The following MRPL20 variants were observed in gnomAD, a reference collection of about 807,000 sequenced individuals.
The protein encoded by MRPL20 is large ribosomal subunit protein bL20m.
MRPL20 carries 21 observed loss-of-function variants against 20.0 expected under a neutral mutation model. The observed-to-expected ratio is 1.05, with a 90% CI of 0.74 to 1.51. The LOEUF is 1.51. MRPL20 is among the 40% of genes most tolerant of loss of function. The probability of loss-of-function intolerance (pLI) is 0.00; values close to 1 mark genes in which losing one functional copy is unlikely to be tolerated. For missense variants in MRPL20, 252 were observed against 185.6 expected (o/e 1.36, Z -2.08); for synonymous variants, 104 against 73.0 (o/e 1.43, Z -2.17).
At chr1:1,404,482 G>A (rs914084977) in intron 3 of MRPL20, among the ~76,000 whole-genome samples, 9 of 151,378 alleles carry the variant, frequency 5.9e-5, no homozygotes, top group Non-Finnish European at 8.8e-5. Context: ...AAACTTTGAA[G>A]TTAAAGTCAA....
chr1:1,405,397 C>A, intron 3 of MRPL20: 1 of 550,556 alleles, frequency 1.8e-6, no homozygotes, highest in Non-Finnish European at 3.2e-6. Context: ...CTGCTTCAGA[C>A]TCCTCAGTAG....
In MRPL20 at chr1:1,406,988, C is replaced by T; in HGVS notation, c.119G>A (p.Arg40Lys). The change falls in exon 2 of 4, where the codon AGG (arginine) becomes AAG (lysine). Residue 40 changes from arginine (R) to lysine (K), a missense_variant. Arg to Lys is a conservative substitution (Grantham distance 26). Transcript: ENST00000344843. ...TCGAATCACGGTTCTGACCGCCAAC[C>T]TGTAGCAGCGATTTTTCCTTCCCCG... The part of the protein sequence containing the change: ...HFRGRKNRCY[R>K]LAVRTVIRAF... 1 of 1,613,880 alleles carries T rather than the reference C, an allele frequency of 6.2e-7. No homozygotes were observed. Among genetic ancestry groups the T allele is most frequent in the Non-Finnish European group, 8.5e-7 (1 of 1,179,776 alleles).
At chr1:1,405,522 C>T in intron 3 of MRPL20, 1 of 617,412 alleles carries the variant, frequency 1.6e-6, no homozygotes, top group South Asian at 1.9e-5. Context: ...ACAATCTCAT[C>T]ACTCATCAAC....
chr1:1,401,968 C>T lies in MRPL20; in HGVS notation c.*115G>A, dbSNP rs1412363807. 12 of 1,208,720 alleles carry T rather than the reference C, an allele frequency of 9.9e-6. No homozygotes were observed. The highest frequency in any genetic ancestry group is 1.4e-5 in the Non-Finnish European group (12 of 861,914). 74.9% of individuals were successfully genotyped at this position (1,208,720 alleles called of 1,614,324 possible). ...GGACATCATCTGTGAGGCTCTGTCCCAGAGAGACAGGGCCATCCCTCATGT... is the reference window on the plus strand; with the variant it reads ...GGACATCATCTGTGAGGCTCTGTCCTAGAGAGACAGGGCCATCCCTCATGT... On this transcript the variant is annotated 3_prime_UTR_variant, in exon 4 of 4. Transcript: ENST00000344843.
chr1:1,404,895 C>T (rs1645368603), intron 3 of MRPL20, among the ~76,000 whole-genome samples: 1 of 152,170 alleles, frequency 6.6e-6, no homozygotes, highest in Admixed American at 6.5e-5. Flanking sequence ...GAACCCCACA[C>T]CAAGACAGAG....
At chr1:1,407,079 C>A in intron 1 of MRPL20, 52 bp downstream of exon 1, 3 of 1,608,644 alleles carry the variant, frequency 1.9e-6, no homozygotes, top group Non-Finnish European at 2.6e-6. Flanking sequence ...CGCCCCTTGG[C>A]CCGCGGGATA....
chr1:1,402,060 C>G lies in MRPL20; in HGVS notation c.*23G>C. The G allele has an allele frequency of 6.3e-7, 1 of 1,588,166 alleles. No homozygotes were observed. The highest frequency in any genetic ancestry group is 8.6e-7 in the Non-Finnish European group (1 of 1,168,444). On this transcript the variant is annotated 3_prime_UTR_variant, in exon 4 of 4. Transcript: ENST00000344843. The stretch of plus-strand genomic sequence containing the variant: ...AACTGCAAATTACTCTGTCTCTTTT[C>G]CTAATCAATACAGCAACAGTCCTCA...
rs555066715 is a variant in MRPL20, at chr1:1,405,299, G to A, written c.276+510C>T. On this transcript the variant is annotated intron_variant, in intron 3 of 3. Transcript: ENST00000344843. Reference sequence around the variant, plus strand: ...CATGGCTTTCTTTATTCTGTCAGACGGGGTCCTGCTCTCACCTAGGCTAGA... The same window carrying A: ...CATGGCTTTCTTTATTCTGTCAGACAGGGTCCTGCTCTCACCTAGGCTAGA... 46 of 246,730 alleles carry A rather than the reference G, an allele frequency of 1.9e-4. No individual in the cohort carries two copies. The Admixed American group carries it at 2.2e-3, about 12-fold the overall frequency. 15.3% of individuals were successfully genotyped at this position (246,730 alleles called of 1,614,324 possible). A position where few individuals can be genotyped will look rare whatever the true frequency, so the allele number is the denominator to read the frequency against.
At chr1:1,403,275 A>G (rs1318538747) in intron 3 of MRPL20, among the ~76,000 whole-genome samples, 3 of 151,728 alleles carry the variant, frequency 2.0e-5, no homozygotes, top group Admixed American at 6.6e-5. Context: ...ACAGAGTCTC[A>G]CTGTGTCGCC....
At chr1:1,406,333 G>A (rs1220117631) in intron 2 of MRPL20, 1 of 178,706 alleles carries the variant, frequency 5.6e-6, no homozygotes, top group Non-Finnish European at 1.2e-5. Context: ...CTGGGTGACA[G>A]CGCGAGACTC....
intron 3 of MRPL20, among the ~76,000 whole-genome samples, chr1:1,403,276 C>T (rs1219033608): frequency 6.6e-6 from 1 of 151,994 alleles, no homozygotes; most frequent in Non-Finnish European, 1.5e-5. Flanking sequence ...CAGAGTCTCA[C>T]TGTGTCGCCC....
At chr1:1,406,456 C>G (rs771822465) in intron 2 of MRPL20, 8 of 203,730 alleles carry the variant, frequency 3.9e-5, no homozygotes, top group Non-Finnish European at 8.1e-5. Flanking sequence ...GTGGAGGCGC[C>G]AGCCTCCCAG....
Position 1,402,151 on chromosome 1 carries a change from A to T in MRPL20, c.382T>A (p.Phe128Ile). The T allele has an allele frequency of 6.2e-7, 1 of 1,614,066 alleles. No homozygotes were observed. The highest frequency in any genetic ancestry group is 8.5e-7 in the Non-Finnish European group (1 of 1,180,000). Residue 128 changes from phenylalanine (F) to isoleucine (I), a missense_variant, in exon 4 of 4, where the codon TTT becomes ATT. Physicochemically the swap from Phe to Ile is conservative, Grantham distance 21. Coordinates refer to ENST00000344843, the MANE Select transcript of MRPL20 (RefSeq NM_017971.4). ...ALASRRRHEG[F>I]AAALGDGKEP... ...TTCCCATCCCCCAAGGCAGCAGCAA[A>T]TCCTTCGTGTCGCCTCCTACTGGCC...
intron 2 of MRPL20, chr1:1,406,648 G>T: frequency 1.9e-6 from 1 of 515,292 alleles, no homozygotes; most frequent in Non-Finnish European, 3.5e-6. Flanking sequence ...GGCTGGCGAC[G>T]CAGGGAGAGT....
chr1:1,405,788 G>A (rs560302479), intron 3 of MRPL20, 21 bp downstream of exon 3: 2 of 1,614,130 alleles, frequency 1.2e-6, no homozygotes, highest in South Asian at 1.1e-5. Context: ...ATTTCAGTGG[G>A]ACCCACATAC....
At chr1:1,406,366 A>C (rs920103539) in intron 2 of MRPL20, 5 of 176,676 alleles carry the variant, frequency 2.8e-5, no homozygotes, top group African/African-American at 1.2e-4. Context: ...AGAAAAAAAA[A>C]CCGGGGTACG....
At position 1,402,132 on chromosome 1, in the gene MRPL20, T is replaced by TC. The variant is rs1645336210; in HGVS notation, c.400dup (p.Asp134GlyfsTer6). On this transcript the variant is annotated frameshift_variant, in exon 4 of 4. Transcript: ENST00000344843. LOFTEE classifies it high-confidence loss of function. Reference sequence around the variant, plus strand: ...AAAAATGCCTTCAGGTTCCTTCCCATCCCCCAAGGCAGCAGCAAATCCTTC... The same window carrying TC: ...AAAAATGCCTTCAGGTTCCTTCCCATCCCCCCAAGGCAGCAGCAAATCCTTC... 1 of 1,614,034 alleles carries TC rather than the reference T, an allele frequency of 6.2e-7. No individual in the cohort carries two copies. The highest frequency in any genetic ancestry group is 1.3e-5 in the African/African-American group (1 of 75,016).
intron 3 of MRPL20, chr1:1,405,286 T>G: frequency 4.5e-6 from 1 of 222,578 alleles, no homozygotes; most frequent in Non-Finnish European, 9.0e-6. Flanking sequence ...TGGCTTTCTT[T>G]ATTCTGTCAG....
At chr1:1,406,086 T>G (rs1018711480) in intron 2 of MRPL20, 200 bp from the exon 3 acceptor site, 2 of 667,626 alleles carry the variant, frequency 3.0e-6, no homozygotes, top group African/African-American at 3.6e-5. Flanking sequence ...CTGGGCACGG[T>G]GTCTCACGCC....
Sources: gnomAD v4.1 joint callset for allele counts (sites outside exome capture counted in the v4.1 genomes callset) on GRCh38, gnomAD v4.1.1 for gene constraint, MANE v1.5 for transcripts, NCBI Gene and HGNC (gene_info 2026-07-23, HGNC 2026-07-21) for gene names.